Variants in RDH10 observed in about 807,000 individuals in gnomAD.
The protein encoded by RDH10 is retinol dehydrogenase 10 (all-trans).
Under a neutral mutation model 30.2 loss-of-function variants are expected in RDH10, and 12 were observed. That is an observed-to-expected ratio of 0.40 (90% confidence interval 0.25 to 0.64). The LOEUF is 0.64. RDH10 is among the 30% of genes least tolerant of loss of function. The pLI is 0.43. For synonymous variants in RDH10, 189 were observed against 172.2 expected (o/e 1.10, Z -0.76); for missense variants, 268 against 445.2 (o/e 0.60, Z 3.58).
Position 73,295,586 on chromosome 8 carries a change from G to C in RDH10, c.289+8G>C. ...ACGCCGCTGCGCTGCAAGGTAACCT[G>C]GACCCGCGCGGGAGCATTGTTGGGT... On this transcript the variant is annotated splice_region_variant and intron_variant, in intron 1 of 5. Coordinates refer to ENST00000240285, the MANE Select transcript of RDH10 (RefSeq NM_172037.5). 1 of 1,488,992 alleles carries C rather than the reference G, an allele frequency of 6.7e-7. No homozygotes were observed. Among genetic ancestry groups the C allele is most frequent in the Non-Finnish European group, 8.9e-7 (1 of 1,121,500 alleles). 92.2% of individuals were successfully genotyped at this position (1,488,992 alleles called of 1,614,324 possible). A position where few individuals can be genotyped will look rare whatever the true frequency, so the allele number is the denominator to read the frequency against.
chr8:73,309,739 A>G (rs776639408), intron 2 of RDH10, among the ~76,000 whole-genome samples: 1 of 151,766 alleles, frequency 6.6e-6, no homozygotes. Flanking sequence ...TTCCTAATGT[A>G]CATGTTCTTT....
chr8:73,308,958 A>G (rs1021207636), intron 2 of RDH10, among the ~76,000 whole-genome samples: 5 of 152,186 alleles, frequency 3.3e-5, no homozygotes, highest in African/African-American at 4.8e-5. Flanking sequence ...CCACCTAACT[A>G]CTGAATCTGA....
Position 73,322,982 on chromosome 8 carries a change from T to C in RDH10, c.972T>C (p.Phe324=), listed in dbSNP as rs2130384621. Reference sequence around the variant, plus strand: ...GAGCGGACAAGTGTATGTACCCCTTTATTGCTCAAAGAAAGCAAGCCACAA... The same window carrying C: ...GAGCGGACAAGTGTATGTACCCCTTCATTGCTCAAAGAAAGCAAGCCACAA... ...FLGADKCMYP[F]IAQRKQATNN... is the part of the protein sequence containing the mutation. Residue 324 remains phenylalanine (F), a synonymous_variant, in exon 6 of 6, where the codon TTT becomes TTC. Transcript: ENST00000240285. 6.2e-7 allele frequency: 1 copy of C among 1,613,922 alleles called. No homozygotes were observed. Among genetic ancestry groups the C allele is most frequent in the Non-Finnish European group, 8.5e-7 (1 of 1,179,782 alleles).
chr8:73,294,693 A>C lies in RDH10; in HGVS notation c.-597A>C. On this transcript the variant is annotated 5_prime_UTR_variant, in exon 1 of 6. Transcript: ENST00000240285. Reference sequence around the variant, plus strand: ...CCCGCGGAGAGTGCAGGGCCGGGGAACGCGAGCCCTCGGGGGCAGCTGCAA... The same window carrying C: ...CCCGCGGAGAGTGCAGGGCCGGGGACCGCGAGCCCTCGGGGGCAGCTGCAA... 4.0e-5 allele frequency: 14 copies of C among 351,528 alleles called. No individual in the cohort carries two copies. Among genetic ancestry groups the C allele is most frequent in the Non-Finnish European group, 6.1e-5 (12 of 196,222 alleles). 21.8% of individuals were successfully genotyped at this position (351,528 alleles called of 1,614,324 possible).
rs190882720 is a variant in RDH10 at position 73,297,316 on chromosome 8, G to A, written c.412G>A (p.Glu138Lys). 5.6e-6 allele frequency: 9 copies of A among 1,614,074 alleles called. No individual in the cohort carries two copies. The highest frequency in any genetic ancestry group is 5.5e-5 in the South Asian group (5 of 91,084). Residue 138 changes from glutamate to lysine, a missense_variant, in exon 2 of 6, where the codon GAA becomes AAA. By Grantham distance (56) the Glu-to-Lys change is moderately conservative (BLOSUM62 1). Transcript: ENST00000240285. ...TGAAAGAGTCCGCAAGGAGGTTGGC[G>A]AAGTCTCAGTCCTGGTCAATAATGC... The part of the protein sequence containing the change: ...TAERVRKEVG[E>K]VSVLVNNAGV...
At chr8:73,315,738 T>C (rs1814650633) in intron 2 of RDH10, 2 of 286,078 alleles carry the variant, frequency 7.0e-6, no homozygotes, top group South Asian at 6.3e-5. Context: ...TTCAGATTTG[T>C]CAGGTAACCA....
intron 2 of RDH10, among the ~76,000 whole-genome samples, chr8:73,298,702 T>C (rs988873996): frequency 3.9e-5 from 6 of 152,090 alleles, no homozygotes; most frequent in Non-Finnish European, 8.8e-5. Context: ...TAATTTTTTG[T>C]ATTTTAGTAG....
At chr8:73,314,670 C>T (rs1054707302) in intron 2 of RDH10, among the ~76,000 whole-genome samples, 1 of 152,208 alleles carries the variant, frequency 6.6e-6, no homozygotes, top group African/African-American at 2.4e-5. Flanking sequence ...CGTCTGGGAT[C>T]TCAGGCTGAT....
At chr8:73,297,808 T>C (rs956412456) in intron 2 of RDH10, 1 of 225,738 alleles carries the variant, frequency 4.4e-6, no homozygotes, top group Non-Finnish European at 9.0e-6. Context: ...TCCAAATTAC[T>C]GCTCAGCCAC....
chr8:73,310,569 C>T (rs1392747444), intron 2 of RDH10, among the ~76,000 whole-genome samples: 1 of 152,174 alleles, frequency 6.6e-6, no homozygotes, highest in Non-Finnish European at 1.5e-5. Flanking sequence ...AGAGCAGAAC[C>T]GAAGCCTCTG....
At chr8:73,301,240 C>T (rs1338086038) in intron 2 of RDH10, among the ~76,000 whole-genome samples, 7 of 149,100 alleles carry the variant, frequency 4.7e-5, no homozygotes, top group South Asian at 2.1e-4. Flanking sequence ...TTAGTAGAGA[C>T]GGGGTTTCAC....
intron 2 of RDH10, among the ~76,000 whole-genome samples, chr8:73,316,367 T>G (rs1814664132): frequency 1.3e-5 from 2 of 152,216 alleles, no homozygotes; most frequent in South Asian, 4.1e-4. Context: ...TGATGTTACT[T>G]TATTTCAATT....
chr8:73,321,118 T>A (rs1199777822), intron 4 of RDH10, 41 bp downstream of exon 4: 4 of 1,468,708 alleles, frequency 2.7e-6, no homozygotes, highest in Non-Finnish European at 3.8e-6. Flanking sequence ...AAAGAATATG[T>A]TGGGAGAATA....
At position 73,295,591 on chromosome 8, in the gene RDH10, C is replaced by A. The variant is rs548981209; in HGVS notation, c.289+13C>A. ...GCTGCGCTGCAAGGTAACCTGGACCCGCGCGGGAGCATTGTTGGGTCAAGC... is the reference window on the plus strand; with the variant it reads ...GCTGCGCTGCAAGGTAACCTGGACCAGCGCGGGAGCATTGTTGGGTCAAGC... On this transcript the variant is annotated intron_variant, in intron 1 of 5. Transcript: ENST00000240285. 9 of 1,481,654 alleles carry A rather than the reference C, an allele frequency of 6.1e-6. No homozygotes were observed. The highest frequency in any genetic ancestry group is 7.2e-6 in the Non-Finnish European group (8 of 1,118,264). The allele number at this position is 1,481,654 out of a possible 1,614,324, so 91.8% of individuals were successfully genotyped here. A position where few individuals can be genotyped will look rare whatever the true frequency, so the allele number is the denominator to read the frequency against.
In RDH10 at chr8:73,294,875, C is replaced by T. The variant is rs1814224092; in HGVS notation, c.-415C>T. On this transcript the variant is annotated 5_prime_UTR_variant, in exon 1 of 6. Coordinates refer to ENST00000240285, the MANE Select transcript of RDH10 (RefSeq NM_172037.5). ...GCCGCCTCCGCTGCGCACCCCTCCC[C>T]CGGGGTGAGAGGGAGCCGGCGCGCC... 1 of 393,092 alleles carries T rather than the reference C, an allele frequency of 2.5e-6. No individual in the cohort carries two copies. The highest frequency in any genetic ancestry group is 4.5e-6 in the Non-Finnish European group (1 of 222,390). The allele number at this position is 393,092 out of a possible 1,614,324, so 24.4% of individuals were successfully genotyped here.
chr8:73,306,220 G>T (rs959013649), intron 2 of RDH10, among the ~76,000 whole-genome samples: 4 of 152,182 alleles, frequency 2.6e-5, no homozygotes, highest in African/African-American at 9.6e-5. Flanking sequence ...TACCTGGCTG[G>T]CCAGTTCCAG....
In RDH10 at chr8:73,302,804, G is replaced by A. The variant is rs1814402147; in HGVS notation, c.525+5375G>A. Among the ~76,000 whole-genome samples the A allele has an allele frequency of 2.0e-5, 3 of 152,200 alleles. No individual in the cohort carries two copies. The South Asian group carries it at 6.2e-4, about 31-fold the overall frequency. ...CATTGCTTTACTTGTTATTTTTTAA[G>A]AGAAGTAGAATCTTAGCTTGCTATT... On this transcript the variant is annotated intron_variant, in intron 2 of 5. Transcript: ENST00000240285.
At chr8:73,306,909 T>A (rs1814474512) in intron 2 of RDH10, among the ~76,000 whole-genome samples, 1 of 152,168 alleles carries the variant, frequency 6.6e-6, no homozygotes, top group African/African-American at 2.4e-5. Context: ...TGTAAACACA[T>A]GGGTATTTTG....
At chr8:73,317,149 G>T (rs1031146329) in intron 2 of RDH10, among the ~76,000 whole-genome samples, 31 of 152,136 alleles carry the variant, frequency 2.0e-4, no homozygotes, top group African/African-American at 7.5e-4. Context: ...CAAAATCAAA[G>T]CACTATAAAA....
Sources: gnomAD v4.1 joint callset for allele counts (sites outside exome capture counted in the v4.1 genomes callset) on GRCh38, gnomAD v4.1.1 for gene constraint, MANE v1.5 for transcripts, NCBI Gene and HGNC (gene_info 2026-07-23, HGNC 2026-07-21) for gene names.